The following SEMA5A variants were observed in gnomAD, a reference collection of about 807,000 sequenced individuals.
SEMA5A encodes semaphorin-5A.
In SEMA5A, 55 loss-of-function variants were observed where a neutral mutation model predicts 135.5. The observed-to-expected ratio is 0.41, with a 90% CI of 0.33 to 0.51. The LOEUF (loss-of-function observed/expected upper bound fraction) is 0.51. Among genes scored for constraint, SEMA5A ranks in the 20% least tolerant of loss-of-function variants. The pLI, the probability that SEMA5A is intolerant of heterozygous loss-of-function variation, is 0.37. For missense variants in SEMA5A, 1,290 were observed against 1,419.9 expected, an observed-to-expected ratio of 0.91 and a Z score of 1.47; for synonymous variants, 580 against 546.5, an observed-to-expected ratio of 1.06 and a Z score of -0.85.
At chr5:9,140,995 T>G (rs1009401334) in intron 12 of SEMA5A, among the ~76,000 whole-genome samples, 1 of 152,340 alleles carries the variant, frequency 6.6e-6, no homozygotes, top group South Asian at 2.1e-4. Context: ...CTCTTTCTTC[T>G]GATGATTCCA....
chr5:9,442,392 T>C (rs541146724), intron 1 of SEMA5A, among the ~76,000 whole-genome samples: 1 of 152,288 alleles, frequency 6.6e-6, no homozygotes, highest in East Asian at 1.9e-4. Context: ...GTGTCTCCAC[T>C]GGAAAGAGAC....
intron 2 of SEMA5A, among the ~76,000 whole-genome samples, chr5:9,421,905 A>C (rs571757375): frequency 2.0e-5 from 3 of 152,344 alleles, no homozygotes; most frequent in African/African-American, 7.2e-5. Flanking sequence ...TAGAAATACC[A>C]ACCTTATGCC....
At chr5:9,107,462 T>C (rs1739982640) in intron 16 of SEMA5A, among the ~76,000 whole-genome samples, 1 of 152,158 alleles carries the variant, frequency 6.6e-6, no homozygotes, top group South Asian at 2.1e-4. Flanking sequence ...CCAGGGTGTG[T>C]CCGGTTCATC....
At chr5:9,044,135 A>G (rs890514858) in intron 22 of SEMA5A, among the ~76,000 whole-genome samples, 1 of 152,158 alleles carries the variant, frequency 6.6e-6, no homozygotes, top group South Asian at 2.1e-4. Flanking sequence ...GTGTCTCCAT[A>G]CAGGTGGTGG....
chr5:9,507,586 A>T (rs1735963247), intron 1 of SEMA5A, among the ~76,000 whole-genome samples: 1 of 152,076 alleles, frequency 6.6e-6, no homozygotes, highest in South Asian at 2.1e-4. Flanking sequence ...AGTCTTTGAG[A>T]TAAAGTCTCA....
At chr5:9,505,140 C>CAA (rs201153184) in intron 1 of SEMA5A, among the ~76,000 whole-genome samples, 13 of 141,062 alleles carry the variant, frequency 9.2e-5, no homozygotes, top group East Asian at 2.1e-4. Flanking sequence ...AATTCTAAAA[C>CAA]AAAAAAAAAA....
At chr5:9,243,991 T>C (rs532496443) in intron 5 of SEMA5A, among the ~76,000 whole-genome samples, 29 of 152,332 alleles carry the variant, frequency 1.9e-4, no homozygotes, top group African/African-American at 6.0e-4. Flanking sequence ...AAAAAAGCCA[T>C]TGATTCCCTT....
chr5:9,353,236 G>A (rs867597780), intron 3 of SEMA5A, among the ~76,000 whole-genome samples: 28 of 122,852 alleles, frequency 2.3e-4, no homozygotes, highest in African/African-American at 9.4e-4. Flanking sequence ...GAAAGGAAAG[G>A]AAGGAAAGGG....
intron 6 of SEMA5A, among the ~76,000 whole-genome samples, chr5:9,232,781 G>C (rs1199344127): frequency 6.6e-6 from 1 of 152,056 alleles, no homozygotes; most frequent in Non-Finnish European, 1.5e-5. Context: ...TTAACCTAAT[G>C]TTAGTATTTA....
chr5:9,439,932 C>A (rs1758172260), intron 1 of SEMA5A, among the ~76,000 whole-genome samples: 1 of 152,188 alleles, frequency 6.6e-6, no homozygotes, highest in Non-Finnish European at 1.5e-5. Flanking sequence ...GGGTGTCCAC[C>A]CGAAAGGGTT....
intron 5 of SEMA5A, among the ~76,000 whole-genome samples, chr5:9,239,158 G>A (rs949780794): frequency 1.3e-5 from 2 of 152,072 alleles, no homozygotes; most frequent in Non-Finnish European, 2.9e-5. Context: ...GAGTCCATAA[G>A]AAAAGTATTC....
At chr5:9,082,255 T>C (rs1441927226) in intron 16 of SEMA5A, among the ~76,000 whole-genome samples, 1 of 152,182 alleles carries the variant, frequency 6.6e-6, no homozygotes, top group Non-Finnish European at 1.5e-5. Flanking sequence ...GTAAACAGAA[T>C]TCAAAAGATT....
At position 9,155,823 on chromosome 5, in the gene SEMA5A, T is replaced by G. The variant is rs1806146; in HGVS notation, c.1274-1128A>C. On this transcript the variant is annotated intron_variant, in intron 11 of 22. Transcript: ENST00000382496. The stretch of plus-strand genomic sequence containing the variant: ...CCATAGAGATGGAGGCTATTTGTGT[T>G]TAAAAAAATACATAAGCAGACATGT... Among the ~76,000 whole-genome samples, 158 of 152,296 alleles carry G rather than the reference T, an allele frequency of 1.0e-3. 4 individuals are homozygous for G. The East Asian group carries it at 0.026, about 26-fold the overall frequency.
intron 5 of SEMA5A, among the ~76,000 whole-genome samples, chr5:9,248,207 T>G (rs1748576400): frequency 6.6e-6 from 1 of 152,188 alleles, no homozygotes; most frequent in Non-Finnish European, 1.5e-5. Context: ...TGGTGAATTT[T>G]TAATGTCTGT....
At chr5:9,087,334 T>C (rs958027580) in intron 16 of SEMA5A, among the ~76,000 whole-genome samples, 3 of 152,216 alleles carry the variant, frequency 2.0e-5, no homozygotes, top group African/African-American at 7.2e-5. Context: ...ATGGCAATGA[T>C]ATAAAACAGT....
chr5:9,446,507 C>T lies in SEMA5A; in HGVS notation c.-174-8655G>A, dbSNP rs188262189. Among the ~76,000 whole-genome samples the T allele has an allele frequency of 2.2e-3, 329 of 152,228 alleles. 1 individual carries two copies. The highest frequency in any genetic ancestry group is 7.5e-3 in the African/African-American group (313 of 41,534). On this transcript the variant is annotated intron_variant, in intron 1 of 22. Transcript: ENST00000382496. The stretch of plus-strand genomic sequence containing the variant: ...TCAAAAGGCCACCTCACTTTTCATG[C>T]AGGCAATTTTGAAGAGCTTGCACAA...
chr5:9,158,099 C>T (rs1197364035), intron 11 of SEMA5A, among the ~76,000 whole-genome samples: 1 of 152,180 alleles, frequency 6.6e-6, no homozygotes, highest in Non-Finnish European at 1.5e-5. Context: ...TGAATATATT[C>T]TGCTGAAAGA....
chr5:9,154,745 ACCAATC>A, intron 11 of SEMA5A, 50 bp from the exon 12 acceptor site: 1 of 1,500,350 alleles, frequency 6.7e-7, no homozygotes, highest in Non-Finnish European at 9.3e-7. Context: ...GGTCTCACAA[ACCAATC>A]CCTGGTTAAA....
At chr5:9,089,936 A>C (rs572295238) in intron 16 of SEMA5A, among the ~76,000 whole-genome samples, 1 of 152,318 alleles carries the variant, frequency 6.6e-6, no homozygotes, top group African/African-American at 2.4e-5. Context: ...TTAACATAAA[A>C]TGTATTATTT....
Sources: gnomAD v4.1 joint callset for allele counts (sites outside exome capture counted in the v4.1 genomes callset) on GRCh38, gnomAD v4.1.1 for gene constraint, MANE v1.5 for transcripts, NCBI Gene and HGNC (gene_info 2026-07-23, HGNC 2026-07-21) for gene names.